The following ZBTB44 variants were observed in gnomAD, a reference collection of about 807,000 sequenced individuals.
ZBTB44 encodes the protein zinc finger and BTB domain-containing protein 44.
Under a neutral mutation model 54.0 loss-of-function variants are expected in ZBTB44, and 15 were observed. The ratio of observed to expected loss-of-function variants is 0.28; its 90% CI spans 0.19 to 0.43. The LOEUF (loss-of-function observed/expected upper bound fraction) is 0.43. Ranked by LOEUF, ZBTB44 falls within the 20% of genes least tolerant of loss-of-function variation. The pLI is 1.00. For synonymous variants in ZBTB44, 230 were observed against 250.1 expected (o/e 0.92, Z 0.76); for missense variants, 487 against 707.1 (o/e 0.69, Z 3.53).
chr11:130,234,200 C>G lies in ZBTB44; in HGVS notation c.1642G>C (p.Gly548Arg). ...TLVQYDLGEH[G>R]FESNSSVQMP... ...TGAACAGAGGAGTTGCTTTCAAAAC[C>G]GTGTTCTCCAAGATCATATTGAACA... Residue 548 changes from glycine to arginine, a missense_variant, in exon 6 of 8, where the codon GGT becomes CGT. By Grantham distance (125) the Gly-to-Arg change is moderately radical. Coordinates refer to ENST00000357899, the MANE Select transcript of ZBTB44 (RefSeq NM_001301098.2). 4.6e-6 allele frequency: 7 copies of G among 1,526,234 alleles called. No homozygotes were observed. The highest frequency in any genetic ancestry group is 5.3e-6 in the Non-Finnish European group (6 of 1,137,266). 94.5% of individuals were successfully genotyped at this position (1,526,234 alleles called of 1,614,324 possible). A position where few individuals can be genotyped will look rare whatever the true frequency, so the allele number is the denominator to read the frequency against.
intron 1 of ZBTB44, among the ~76,000 whole-genome samples, chr11:130,276,851 A>G (rs1269283198): frequency 1.3e-5 from 2 of 152,214 alleles, no homozygotes; most frequent in South Asian, 2.1e-4. Flanking sequence ...TATATGCAAC[A>G]TAACTGTTAC....
chr11:130,257,076 C>T (rs558894741), intron 2 of ZBTB44, among the ~76,000 whole-genome samples: 4 of 151,982 alleles, frequency 2.6e-5, no homozygotes, highest in Admixed American at 2.6e-4. Context: ...AGCAAAGTCT[C>T]GGGATACAAA....
chr11:130,311,831 T>C (rs1396648512), intron 1 of ZBTB44, among the ~76,000 whole-genome samples: 1 of 152,128 alleles, frequency 6.6e-6, no homozygotes, highest in Non-Finnish European at 1.5e-5. Context: ...GAGTAACTCG[T>C]GTCAGAAAGC....
chr11:130,238,223 A>G (rs979415712), intron 4 of ZBTB44, among the ~76,000 whole-genome samples: 2 of 152,260 alleles, frequency 1.3e-5, no homozygotes, highest in Admixed American at 6.5e-5. Context: ...TACTCACTCC[A>G]TATCACCTTA....
At position 130,227,056 on chromosome 11, in the gene ZBTB44, C is replaced by T. The variant is rs905335728; in HGVS notation, c.*4708G>A. The T allele has an allele frequency of 6.6e-6, 1 of 151,824 alleles. No individual in the cohort carries two copies. Among genetic ancestry groups the T allele is most frequent in the Admixed American group, 6.6e-5 (1 of 15,242 alleles). 9.4% of individuals were successfully genotyped at this position (151,824 alleles called of 1,614,324 possible). A position where few individuals can be genotyped will look rare whatever the true frequency, so the allele number is the denominator to read the frequency against. On this transcript the variant is annotated 3_prime_UTR_variant, in exon 8 of 8. Transcript: ENST00000357899. The stretch of plus-strand genomic sequence containing the variant: ...GATATTCACATTGATTACAATAACC[C>T]TAAAAATGATTGTAACGTTGAAACG...
chr11:130,274,423 T>A (rs1939904831), intron 1 of ZBTB44, among the ~76,000 whole-genome samples: 1 of 152,304 alleles, frequency 6.6e-6, no homozygotes, highest in East Asian at 1.9e-4. Flanking sequence ...AGAGCAGATA[T>A]CCTTGTCTTG....
At chr11:130,285,291 T>TC (rs1940874703) in intron 1 of ZBTB44, 1 of 118,280 alleles carries the variant, frequency 8.5e-6, no homozygotes, top group Admixed American at 7.9e-5. Context: ...TCTTGTTTTC[T>TC]TTTTTTTTTT....
chr11:130,295,992 T>C (rs1941619410), intron 1 of ZBTB44: 3 of 1,550,502 alleles, frequency 1.9e-6, no homozygotes, highest in South Asian at 2.2e-5. Context: ...TGCTGTATCA[T>C]ATGCAGAATA....
chr11:130,236,312 T>C (rs1954107656), intron 5 of ZBTB44: 2 of 1,181,540 alleles, frequency 1.7e-6, no homozygotes, highest in Admixed American at 2.7e-5. Context: ...ATCTAAACCA[T>C]CACACCCACT....
chr11:130,259,695 T>C (rs746601826), intron 2 of ZBTB44, among the ~76,000 whole-genome samples: 1 of 149,456 alleles, frequency 6.7e-6, no homozygotes, highest in Non-Finnish European at 1.5e-5. Flanking sequence ...CCGCAAACTA[T>C]CACAAGAACA....
intron 5 of ZBTB44, 83 bp from the exon 6 acceptor site, chr11:130,234,356 A>T (rs1192890738): frequency 7.3e-7 from 1 of 1,363,562 alleles, no homozygotes; most frequent in Non-Finnish European, 9.7e-7. Context: ...TCTGATTTAT[A>T]CAACAAAATT....
rs137856171 is a variant in ZBTB44 at position 130,262,857 on chromosome 11, A to G, written c.-56-928T>C. On this transcript the variant is annotated intron_variant, in intron 1 of 7. Transcript: ENST00000357899. The stretch of plus-strand genomic sequence containing the variant: ...CGGATTGCTTGAGCTCAGGAGTCCA[A>G]GACCAGCCTGGCCAACATGGCAAAA... 8.7e-3 allele frequency among the ~76,000 whole-genome samples: 1,320 copies of G among 152,334 alleles called. 9 individuals are homozygous for G. Among genetic ancestry groups the G allele is most frequent in the African/African-American group, 0.022 (895 of 41,584 alleles).
intron 2 of ZBTB44, among the ~76,000 whole-genome samples, chr11:130,252,023 C>A (rs1314239265): frequency 1.3e-5 from 2 of 151,944 alleles, no homozygotes; most frequent in African/African-American, 2.4e-5. Context: ...GTTCAGGAGA[C>A]CTATCTCATG....
At position 130,261,028 on chromosome 11, in the gene ZBTB44, A is replaced by C. The variant is rs1565659217; in HGVS notation, c.846T>G (p.Gly282=). The change falls in exon 2 of 8, where the codon GGT becomes GGG. Residue 282 remains glycine, a synonymous_variant. Coordinates refer to ENST00000357899, the MANE Select transcript of ZBTB44 (RefSeq NM_001301098.2). This position sits in a 1 kb window ranked among gnomAD's most constrained non-coding sequence, Gnocchi z 4.8. ...CESTKTTLPL[G]TEEDVRVKVE... ...CTTTGACCCGGACATCTTCTTCGGT[A>C]CCTAAAGGCAAGGTAGTTTTTGTGC... The C allele has an allele frequency of 6.2e-7, 1 of 1,613,980 alleles. No individual in the cohort carries two copies. The highest frequency in any genetic ancestry group is 8.5e-7 in the Non-Finnish European group (1 of 1,179,882).
rs898538616 is a variant in ZBTB44 at position 130,262,198 on chromosome 11, G to A, written c.-56-269C>T. On this transcript the variant is annotated intron_variant, in intron 1 of 7. Transcript: ENST00000357899. Reference sequence around the variant, plus strand: ...TCTGTTGCCCAGGCTGGAGTGCAGCGGGGTGGTCTTGGCTCACTGCAACCT... The same window carrying A: ...TCTGTTGCCCAGGCTGGAGTGCAGCAGGGTGGTCTTGGCTCACTGCAACCT... Among the ~76,000 whole-genome samples the A allele has an allele frequency of 5.3e-5, 8 of 152,230 alleles. No homozygotes were observed. The South Asian group carries it at 6.2e-4, about 12-fold the overall frequency.
chr11:130,272,489 A>C (rs2134203778), intron 1 of ZBTB44, among the ~76,000 whole-genome samples: 1 of 152,244 alleles, frequency 6.6e-6, no homozygotes, highest in East Asian at 1.9e-4. Context: ...TATATATTCT[A>C]GTTGTGAGTT....
intron 1 of ZBTB44, among the ~76,000 whole-genome samples, chr11:130,265,311 C>T (rs1256375516): frequency 6.6e-6 from 1 of 152,090 alleles, no homozygotes; most frequent in Non-Finnish European, 1.5e-5. Context: ...ACTGCAACCT[C>T]CACCTCCCAG....
At chr11:130,269,897 T>C (rs1003147490) in intron 1 of ZBTB44, among the ~76,000 whole-genome samples, 2 of 152,198 alleles carry the variant, frequency 1.3e-5, no homozygotes, top group Non-Finnish European at 2.9e-5. Flanking sequence ...CAATAAACGT[T>C]AGCTATTTAT....
At chr11:130,270,154 T>C (rs533955084) in intron 1 of ZBTB44, among the ~76,000 whole-genome samples, 139 of 152,308 alleles carry the variant, frequency 9.1e-4, no homozygotes, top group African/African-American at 3.2e-3. Flanking sequence ...AAAGTTGATA[T>C]TTGAAAGAAT....
Sources: allele counts gnomAD v4.1 joint callset (sites outside exome capture counted in the v4.1 genomes callset), GRCh38; gene constraint gnomAD v4.1.1; non-coding constraint Gnocchi (gnomAD v3.1); transcripts MANE v1.5; gene names NCBI Gene and HGNC (gene_info 2026-07-23, HGNC 2026-07-21).